The following TNKS variants were observed in gnomAD, a reference collection of about 807,000 sequenced individuals.
The protein encoded by TNKS is tankyrase, also known as poly [ADP-ribose] polymerase tankyrase-1.
Under a neutral mutation model 135.8 loss-of-function variants are expected in TNKS, and 72 were observed. The ratio of observed to expected loss-of-function variants is 0.53; its 90% CI spans 0.44 to 0.64. The LOEUF is 0.64. TNKS is among the 30% of genes least tolerant of loss of function. TNKS has a pLI of 0.00. For missense variants in TNKS, 1,769 were observed against 1,674.0 expected, an observed-to-expected ratio of 1.06 and a Z score of -0.99; for synonymous variants, 849 against 649.3, an observed-to-expected ratio of 1.31 and a Z score of -4.68.
chr8:9,675,085 G>A (rs1480396879), intron 3 of TNKS, among the ~76,000 whole-genome samples: 2 of 152,180 alleles, frequency 1.3e-5, no homozygotes, highest in Non-Finnish European at 2.9e-5. Flanking sequence ...CAGAGTATCA[G>A]TCTGTCTGAA....
At chr8:9,564,030 A>T (rs918145152) in intron 1 of TNKS, among the ~76,000 whole-genome samples, 11 of 152,206 alleles carry the variant, frequency 7.2e-5, no homozygotes, top group Non-Finnish European at 4.4e-5. Flanking sequence ...GGTCTGCAGG[A>T]TCATCTTTTA....
rs35017872 is a variant in TNKS at position 9,586,205 on chromosome 8, A to C, written c.898+5822A>C. The stretch of plus-strand genomic sequence containing the variant: ...TTATATTTACTGAAAATGCAAGAAA[A>C]AATAGAGATCTGATGGTATTTTTCT... On this transcript the variant is annotated intron_variant, in intron 2 of 26. Transcript: ENST00000310430. Among the ~76,000 whole-genome samples, 7 of 152,230 alleles carry C rather than the reference A, an allele frequency of 4.6e-5. No homozygotes were observed. In the East Asian group the frequency reaches 1.4e-3, roughly 29 times the overall value.
intron 3 of TNKS, among the ~76,000 whole-genome samples, chr8:9,655,429 C>G (rs888137824): frequency 3.3e-5 from 5 of 152,172 alleles, no homozygotes; most frequent in South Asian, 2.1e-4. Flanking sequence ...GATCCGAGAA[C>G]GGGCAGACTG....
At chr8:9,604,976 A>T (rs576419265) in intron 2 of TNKS, among the ~76,000 whole-genome samples, 1 of 152,020 alleles carries the variant, frequency 6.6e-6, no homozygotes, top group Non-Finnish European at 1.5e-5. Flanking sequence ...ACCCTCTATA[A>T]AGCTTTTAAA....
At chr8:9,579,715 C>A (rs1037341943) in intron 1 of TNKS, among the ~76,000 whole-genome samples, 1 of 152,152 alleles carries the variant, frequency 6.6e-6, no homozygotes, top group Non-Finnish European at 1.5e-5. Context: ...GTGACCCGCC[C>A]ACCTCGGCCT....
chr8:9,706,966 T>A lies in TNKS; in HGVS notation c.1425T>A (p.Ala475=). ...NCHGKSAVDM[A]PTPELRERLT... ...ATGGCAAAAGTGCTGTGGATATGGC[T>A]CCAACTCCGGAGCTTAGGGAGAGAT... is the stretch of plus-strand genomic sequence containing the variant. Residue 475 remains alanine (A), a synonymous_variant, in exon 8 of 27, where the codon GCT becomes GCA. Coordinates refer to ENST00000310430, the MANE Select transcript of TNKS (RefSeq NM_003747.3). 6.2e-7 allele frequency: 1 copy of A among 1,608,852 alleles called. No homozygotes were observed. Among genetic ancestry groups the A allele is most frequent in the Non-Finnish European group, 8.5e-7 (1 of 1,177,968 alleles).
intron 5 of TNKS, among the ~76,000 whole-genome samples, chr8:9,700,395 G>A (rs1012426516): frequency 6.6e-6 from 1 of 152,152 alleles, no homozygotes; most frequent in Admixed American, 6.5e-5. Context: ...CACTTAACGT[G>A]GTGTCAGATA....
chr8:9,605,495 T>C (rs184786100), intron 2 of TNKS, among the ~76,000 whole-genome samples: 7 of 152,218 alleles, frequency 4.6e-5, no homozygotes, highest in African/African-American at 1.7e-4. Flanking sequence ...TCCTTTTGAG[T>C]AAATACTTAA....
At chr8:9,752,453 A>G in intron 19 of TNKS, 91 bp from the exon 20 acceptor site, 3 of 848,920 alleles carry the variant, frequency 3.5e-6, no homozygotes, top group South Asian at 1.5e-5. Flanking sequence ...CTGACAGCCA[A>G]GGTTGTCAGA....
At chr8:9,653,155 A>G (rs1801206795) in intron 3 of TNKS, among the ~76,000 whole-genome samples, 1 of 152,218 alleles carries the variant, frequency 6.6e-6, no homozygotes, top group African/African-American at 2.4e-5. Context: ...TGAGGGAGAA[A>G]GAAATTAAAA....
intron 1 of TNKS, among the ~76,000 whole-genome samples, chr8:9,579,404 T>C (rs945859902): frequency 6.6e-6 from 1 of 152,216 alleles, no homozygotes; most frequent in East Asian, 1.9e-4. Flanking sequence ...CCAATTTCCC[T>C]AATACAATGC....
At chr8:9,639,095 TATC>T (rs1288166315) in intron 3 of TNKS, among the ~76,000 whole-genome samples, 4 of 152,212 alleles carry the variant, frequency 2.6e-5, no homozygotes, top group African/African-American at 9.6e-5. Context: ...TTTAGACTTT[TATC>T]ATCATACTCT....
chr8:9,772,801 G>GTGTGTGTT (rs1295495459), intron 26 of TNKS, among the ~76,000 whole-genome samples: 1 of 105,700 alleles, frequency 9.5e-6, no homozygotes, highest in East Asian at 2.5e-4. Flanking sequence ...GAATGTGTGT[G>GTGTGTGTT]TGTGTGTTTG....
At chr8:9,656,256 C>T (rs181972985) in intron 3 of TNKS, among the ~76,000 whole-genome samples, 78 of 152,330 alleles carry the variant, frequency 5.1e-4, no homozygotes, top group African/African-American at 1.7e-3. Context: ...ACCAAATCTA[C>T]GTCCTGATTG....
chr8:9,663,977 G>A (rs1801862964), intron 3 of TNKS, among the ~76,000 whole-genome samples: 1 of 152,160 alleles, frequency 6.6e-6, no homozygotes, highest in African/African-American at 2.4e-5. Context: ...CAGGCATGGG[G>A]CTGAAAGTTC....
At chr8:9,685,108 C>G (rs990638553) in intron 5 of TNKS, among the ~76,000 whole-genome samples, 1 of 151,924 alleles carries the variant, frequency 6.6e-6, no homozygotes, top group Non-Finnish European at 1.5e-5. Context: ...ATATTTGCTT[C>G]CAAATAGTTA....
In TNKS at chr8:9,757,959, C is replaced by T. The variant is rs144182059; in HGVS notation, c.3154-3557C>T. Among the ~76,000 whole-genome samples, 558 of 152,212 alleles carry T rather than the reference C, an allele frequency of 3.7e-3. 8 individuals are homozygous for T. The highest frequency in any genetic ancestry group is 0.012 in the African/African-American group (517 of 41,516). ...ATAGATATGTGGACAAATTGGACAC[C>T]ATGTAACTCACTGCGACTAAATTTA... is the stretch of plus-strand genomic sequence containing the variant. On this transcript the variant is annotated intron_variant, in intron 20 of 26. Transcript: ENST00000310430.
intron 3 of TNKS, among the ~76,000 whole-genome samples, chr8:9,631,477 G>A (rs1800285349): frequency 1.3e-5 from 2 of 152,144 alleles, no homozygotes; most frequent in African/African-American, 4.8e-5. Context: ...ATCTAGTGTA[G>A]TAGAAGAAAA....
intron 1 of TNKS, among the ~76,000 whole-genome samples, chr8:9,566,980 C>G (rs1246251506): frequency 3.3e-5 from 5 of 152,200 alleles, no homozygotes; most frequent in African/African-American, 1.2e-4. Flanking sequence ...GATTTAAACC[C>G]AATCTGGTTG....
Sources: allele counts gnomAD v4.1 joint callset (sites outside exome capture counted in the v4.1 genomes callset), GRCh38; gene constraint gnomAD v4.1.1; transcripts MANE v1.5; gene names NCBI Gene and HGNC (gene_info 2026-07-23, HGNC 2026-07-21).